The following ATL1 variants were observed in gnomAD, a reference collection of about 807,000 sequenced individuals.
The protein encoded by ATL1 is atlastin-1.
A neutral mutation model predicts 75.5 loss-of-function variants in ATL1; 31 were observed. The ratio of observed to expected loss-of-function variants is 0.41; its 90% CI spans 0.31 to 0.55. ATL1 has a LOEUF of 0.55. ATL1 is among the 20% of genes least tolerant of loss of function. ATL1 has a pLI of 0.27. For synonymous variants in ATL1, 226 were observed against 233.3 expected (o/e 0.97, Z 0.28); for missense variants, 405 against 662.6 (o/e 0.61, Z 4.27).
chr14:50,558,545 A>G (rs2038793223), upstream of ATL1, among the ~76,000 whole-genome samples: 1 of 152,228 alleles, frequency 6.6e-6, no homozygotes. Context: ...ACACAGTCTC[A>G]AAGTATTCAC....
chr14:50,564,704 G>T (rs2038886413), intron 1 of ATL1, among the ~76,000 whole-genome samples: 1 of 138,366 alleles, frequency 7.2e-6, no homozygotes, highest in South Asian at 2.4e-4. Flanking sequence ...AAGAACGATA[G>T]TATTCGCAGC....
At chr14:50,564,721 T>C (rs750359394) in intron 1 of ATL1, among the ~76,000 whole-genome samples, 7 of 141,122 alleles carry the variant, frequency 5.0e-5, no homozygotes, top group Non-Finnish European at 1.1e-4. Flanking sequence ...CAGCAAAGTA[T>C]CAGCTTTGAC....
Position 50,618,889 on chromosome 14 carries a change from A to AT in ATL1, c.863-1709dup, listed in dbSNP as rs1202943519. ...TGTGTGTGTGTGTGTATATATATAT[A>AT]TATTTTTTTTTCTTTCTTTGAGACA... On this transcript the variant is annotated intron_variant, in intron 8 of 13. Coordinates refer to ENST00000358385, the MANE Select transcript of ATL1 (RefSeq NM_015915.5). Among the ~76,000 whole-genome samples the AT allele has an allele frequency of 9.6e-3, 1,281 of 134,134 alleles. 18 individuals carry two copies. Among genetic ancestry groups the AT allele is most frequent in the African/African-American group, 0.043 (1,223 of 28,776 alleles). 88.0% of individuals were successfully genotyped at this position (134,134 alleles called of 152,430 possible).
Position 50,560,178 on chromosome 14 carries a change from G to C in ATL1, c.-88G>C, listed in dbSNP as rs2038817983. ...AGCGAACTGCGCCCAGCGCGGGCAC[G>C]GAGCCTCCCACCGCCAGCAACCTGC... is the stretch of plus-strand genomic sequence containing the variant. On this transcript the variant is annotated 5_prime_UTR_variant, in exon 1 of 14. Transcript: ENST00000358385. The C allele has an allele frequency of 1.3e-6, 2 of 1,533,088 alleles. No individual in the cohort carries two copies. Among genetic ancestry groups the C allele is most frequent in the Admixed American group, 1.8e-5 (1 of 55,900 alleles). 95.0% of individuals were successfully genotyped at this position (1,533,088 alleles called of 1,614,324 possible). A position where few individuals can be genotyped will look rare whatever the true frequency, so the allele number is the denominator to read the frequency against.
intron 1 of ATL1, chr14:50,542,731 G>A (rs987836401): frequency 6.6e-6 from 1 of 152,156 alleles, no homozygotes; most frequent in Non-Finnish European, 1.5e-5. Flanking sequence ...TTTATTAATG[G>A]TCTGCATAAT....
At position 50,632,987 on chromosome 14, in the gene ATL1, T is replaced by C. The variant is rs1208749340; in HGVS notation, c.*648T>C. Reference sequence around the variant, plus strand: ...ACACAAAGAATGTATTCTTCATAGGTTTATTCTTTTAATATGTGAACTATT... The same window carrying C: ...ACACAAAGAATGTATTCTTCATAGGCTTATTCTTTTAATATGTGAACTATT... On this transcript the variant is annotated 3_prime_UTR_variant, in exon 14 of 14. Coordinates refer to ENST00000358385, the MANE Select transcript of ATL1 (RefSeq NM_015915.5). 6.6e-6 allele frequency: 1 copy of C among 152,152 alleles called. No homozygotes were observed. The highest frequency in any genetic ancestry group is 1.5e-5 in the Non-Finnish European group (1 of 68,016). The allele number at this position is 152,152 out of a possible 1,614,324, so 9.4% of individuals were successfully genotyped here.
chr14:50,553,761 T>TTA (rs1210333785), intron 1 of ATL1, among the ~76,000 whole-genome samples: 2 of 152,288 alleles, frequency 1.3e-5, no homozygotes, highest in East Asian at 3.9e-4. Context: ...CCATGGAATA[T>TTA]TACTCAGCCA....
At chr14:50,607,537 C>T (rs115459386) in intron 6 of ATL1, among the ~76,000 whole-genome samples, 1,558 of 152,038 alleles carry the variant, frequency 0.01, 31 homozygotes, top group African/African-American at 0.036. Context: ...AGCAATGAGG[C>T]TCTCTGTTGG....
intron 1 of ATL1, among the ~76,000 whole-genome samples, chr14:50,572,570 T>C (rs1044237272): frequency 1.3e-5 from 2 of 152,114 alleles, no homozygotes; most frequent in South Asian, 2.1e-4. Context: ...TGATTTCTCC[T>C]TTTTTCTTTT....
At chr14:50,573,783 C>T (rs2140187608) in intron 1 of ATL1, among the ~76,000 whole-genome samples, 1 of 151,964 alleles carries the variant, frequency 6.6e-6, no homozygotes, top group South Asian at 2.1e-4. Context: ...GTCAGTTTCC[C>T]CTTCTGTTCT....
At chr14:50,544,629 A>G (rs948889077) in intron 1 of ATL1, among the ~76,000 whole-genome samples, 2 of 152,234 alleles carry the variant, frequency 1.3e-5, no homozygotes, top group Non-Finnish European at 2.9e-5. Flanking sequence ...ACATAAGAGG[A>G]GCCAGCATTA....
intron 1 of ATL1, among the ~76,000 whole-genome samples, chr14:50,543,227 T>G (rs2038588454): frequency 6.6e-6 from 1 of 152,256 alleles, no homozygotes; most frequent in South Asian, 2.1e-4. Context: ...GATAATTCAG[T>G]TACTGCCACT....
intron 11 of ATL1, among the ~76,000 whole-genome samples, chr14:50,625,085 G>A (rs146182051): frequency 6.6e-5 from 10 of 151,418 alleles, no homozygotes; most frequent in South Asian, 4.2e-4. Context: ...AAAAAAAAAA[G>A]AAAAAAAGTG....
chr14:50,595,618 C>A lies in ATL1; in HGVS notation c.616C>A (p.Leu206Met). The A allele has an allele frequency of 1.2e-6, 2 of 1,613,670 alleles. No individual in the cohort carries two copies. Among genetic ancestry groups the A allele is most frequent in the Non-Finnish European group, 1.7e-6 (2 of 1,179,926 alleles). Residue 206 changes from leucine to methionine, a missense_variant, in exon 6 of 14, where the codon CTG becomes ATG. This residue lies in a region of ATL1 where 59 missense variants were observed against 161.4 expected (regional missense o/e 0.37). Transcript: ENST00000358385. Reference protein sequence around the residue: ...YGRLAMEETFLKPFQSLIFLV... With the variant: ...YGRLAMEETFMKPFQSLIFLV... ...CAGACTGGCAATGGAGGAAACATTCCTGAAGCCATTTCAGGTGAGCGAGTG... is the reference window on the plus strand; with the variant it reads ...CAGACTGGCAATGGAGGAAACATTCATGAAGCCATTTCAGGTGAGCGAGTG...
chr14:50,556,579 A>G (rs1214915738), upstream of ATL1, among the ~76,000 whole-genome samples: 5 of 152,168 alleles, frequency 3.3e-5, no homozygotes, highest in African/African-American at 1.2e-4. Flanking sequence ...TGAATTCTAA[A>G]ACATTTTCAT....
chr14:50,609,673 C>G (rs1384988321), intron 6 of ATL1, among the ~76,000 whole-genome samples: 1 of 152,036 alleles, frequency 6.6e-6, no homozygotes, highest in African/African-American at 2.4e-5. Flanking sequence ...ACACACACCA[C>G]ACACAATTTT....
At chr14:50,543,866 G>A (rs1272688814) in intron 1 of ATL1, among the ~76,000 whole-genome samples, 1 of 152,138 alleles carries the variant, frequency 6.6e-6, no homozygotes, top group East Asian at 1.9e-4. Context: ...GAGTTTGGAG[G>A]CCCTAGTGCC....
chr14:50,578,741 A>G (rs749706326), intron 1 of ATL1, among the ~76,000 whole-genome samples: 5 of 152,196 alleles, frequency 3.3e-5, no homozygotes, highest in Non-Finnish European at 7.3e-5. Flanking sequence ...TAATTTATTA[A>G]TCAGTCCCTC....
At chr14:50,556,099 C>A (rs957422668), upstream of ATL1, among the ~76,000 whole-genome samples, 3 of 152,070 alleles carry the variant, frequency 2.0e-5, no homozygotes, top group African/African-American at 7.3e-5. Flanking sequence ...TGGAGTAATA[C>A]CTTTTCTTCT....
Sources: gnomAD v4.1 joint callset for allele counts (sites outside exome capture counted in the v4.1 genomes callset) on GRCh38, gnomAD v4.1.1 for gene constraint, gnomAD v4.1.1 regional missense constraint, MANE v1.5 for transcripts, NCBI Gene and HGNC (gene_info 2026-07-23, HGNC 2026-07-21) for gene names.